The following SDK2 variants were observed in gnomAD, a reference collection of about 807,000 sequenced individuals.
SDK2 encodes the protein protein sidekick-2.
A neutral mutation model predicts 253.9 loss-of-function variants in SDK2; 105 were observed. The observed-to-expected ratio is 0.41, with a 90% CI of 0.35 to 0.49. SDK2 has a LOEUF of 0.49. Among genes scored for constraint, SDK2 ranks in the 20% least tolerant of loss-of-function variants. The pLI is 0.06. For synonymous variants in SDK2, 1,249 were observed against 1,234.9 expected (o/e 1.01, Z -0.24); for missense variants, 2,608 against 3,003.0 (o/e 0.87, Z 3.07).
Position 73,338,467 on chromosome 17 carries a change from A to T in SDK2, c.*120T>A. The T allele has an allele frequency of 2.8e-6, 2 of 726,976 alleles. No homozygotes were observed. Among genetic ancestry groups the T allele is most frequent in the Non-Finnish European group, 2.4e-6 (1 of 417,904 alleles). 45.0% of individuals were successfully genotyped at this position (726,976 alleles called of 1,614,324 possible). On this transcript the variant is annotated 3_prime_UTR_variant, in exon 45 of 45. Transcript: ENST00000392650. The surrounding 1 kb of genome is among the most constrained non-coding windows in gnomAD (Gnocchi z 5.0). ...GGCCCTGGAATCTCTGGAAAAATAA[A>T]CTCAGGAGGTGAAAAGTTGACTTGG...
Position 73,511,881 on chromosome 17 carries a change from G to A in SDK2, c.65-4284C>T, listed in dbSNP as rs574467970. Among the ~76,000 whole-genome samples, 10 of 152,266 alleles carry A rather than the reference G, an allele frequency of 6.6e-5. No individual in the cohort carries two copies. The highest frequency in any genetic ancestry group is 2.1e-4 in the South Asian group (1 of 4,828). The stretch of plus-strand genomic sequence containing the variant: ...TGCTGGGATAACAGAACGTGTGGAC[G>A]TGTCTATGTGTGCACGTGTTTATGT... On this transcript the variant is annotated intron_variant, in intron 1 of 44. Coordinates refer to ENST00000392650, the MANE Select transcript of SDK2 (RefSeq NM_001144952.2). The surrounding 1 kb of genome is among the most constrained non-coding windows in gnomAD (Gnocchi z 4.9).
chr17:73,404,142 G>T (rs1368334777), intron 18 of SDK2, among the ~76,000 whole-genome samples: 2 of 152,220 alleles, frequency 1.3e-5, no homozygotes, highest in East Asian at 3.8e-4. Flanking sequence ...GGTAATGGCA[G>T]TGTGGTTTGT....
At chr17:73,411,804 T>G (rs1599539382) in intron 18 of SDK2, among the ~76,000 whole-genome samples, 1 of 87,426 alleles carries the variant, frequency 1.1e-5, no homozygotes, top group African/African-American at 4.3e-5. Flanking sequence ...TTTTTTTTTT[T>G]GGTCAGAGTC....
intron 1 of SDK2, among the ~76,000 whole-genome samples, chr17:73,588,209 C>A (rs1015880142): frequency 7.3e-6 from 1 of 136,982 alleles, no homozygotes; most frequent in Non-Finnish European, 1.6e-5. Context: ...CCCCCCCCCT[C>A]CCCCGCCATC....
At chr17:73,480,511 A>C (rs1213895232) in intron 2 of SDK2, among the ~76,000 whole-genome samples, 1 of 152,200 alleles carries the variant, frequency 6.6e-6, no homozygotes, top group African/African-American at 2.4e-5. Context: ...AGGCTCAGGC[A>C]TGGAAAGGGT....
chr17:73,507,590 C>T lies in SDK2; in HGVS notation c.72G>A (p.Val24=). Residue 24 remains valine, a synonymous_variant, in exon 2 of 45, where the codon GTG becomes GTA. Transcript: ENST00000392650. ...QIRAARAQDD[V]SPYFKTEPVR... is the part of the protein sequence containing the mutation. ...CAGGCTCTGTCTTGAAATACGGGGA[C>T]ACATCATCTGCAGAAACAGGGAGAC... 1 of 1,551,218 alleles carries T rather than the reference C, an allele frequency of 6.4e-7. No homozygotes were observed. Among genetic ancestry groups the T allele is most frequent in the Non-Finnish European group, 8.7e-7 (1 of 1,146,776 alleles).
At chr17:73,563,039 G>T (rs112135502) in intron 1 of SDK2, among the ~76,000 whole-genome samples, 23 of 152,178 alleles carry the variant, frequency 1.5e-4, no homozygotes, top group Non-Finnish European at 3.4e-4. Flanking sequence ...GGACAGCTCC[G>T]CTCTGATACC....
intron 1 of SDK2, among the ~76,000 whole-genome samples, chr17:73,548,450 TC>T (rs1477204288): frequency 6.6e-6 from 1 of 152,110 alleles, no homozygotes; most frequent in African/African-American, 2.4e-5. Flanking sequence ...CTCTCTAAGC[TC>T]CCCCTGCAGC....
chr17:73,402,147 G>C lies in SDK2; in HGVS notation c.2485-6C>G. The C allele has an allele frequency of 6.2e-7, 1 of 1,611,922 alleles. No individual in the cohort carries two copies. Among genetic ancestry groups the C allele is most frequent in the Non-Finnish European group, 8.5e-7 (1 of 1,178,644 alleles). ...TCCGGCTCCCAGGCGATCAGCTGCG[G>C]AGAGGCGAGCAAGTCACACAGGGCA... On this transcript the variant is annotated splice_polypyrimidine_tract_variant and splice_region_variant and intron_variant, in intron 18 of 44. Coordinates refer to ENST00000392650, the MANE Select transcript of SDK2 (RefSeq NM_001144952.2).
intron 2 of SDK2, among the ~76,000 whole-genome samples, chr17:73,479,962 G>A (rs1425146976): frequency 1.3e-5 from 2 of 152,198 alleles, no homozygotes; most frequent in Admixed American, 6.5e-5. Context: ...CAAAGTGCTG[G>A]GATTACAGGC....
intron 3 of SDK2, among the ~76,000 whole-genome samples, chr17:73,469,989 C>T (rs1032366842): frequency 9.0e-5 from 10 of 110,598 alleles, no homozygotes; most frequent in Non-Finnish European, 1.7e-4. Context: ...ACTGCGCGCG[C>T]GCGCACACAC....
At chr17:73,567,146 C>G (rs1012651510) in intron 1 of SDK2, among the ~76,000 whole-genome samples, 1 of 152,238 alleles carries the variant, frequency 6.6e-6, no homozygotes, top group Admixed American at 6.5e-5. Context: ...AGGCCTGGAT[C>G]CCTGCTGCCC....
chr17:73,623,419 G>A (rs1302261959), intron 1 of SDK2, among the ~76,000 whole-genome samples: 2 of 152,138 alleles, frequency 1.3e-5, no homozygotes, highest in East Asian at 3.9e-4. Flanking sequence ...AATTGATTAA[G>A]TAGAGGAATA....
intron 17 of SDK2, 60 bp from the exon 18 acceptor site, chr17:73,414,819 G>T: frequency 9.1e-7 from 1 of 1,093,354 alleles, no homozygotes; most frequent in Non-Finnish European, 1.4e-6. Context: ...CTCTTGCCCA[G>T]TTCAGTAGAG....
intron 1 of SDK2, among the ~76,000 whole-genome samples, chr17:73,509,810 G>C (rs372947901): frequency 1.4e-5 from 2 of 144,340 alleles, no homozygotes; most frequent in African/African-American, 5.1e-5. Context: ...TGAGGCAGGA[G>C]AATCGCTTAA....
At position 73,375,230 on chromosome 17, in the gene SDK2, C is replaced by CTTT. The variant is rs33992958; in HGVS notation, c.4980+3944_4980+3946dup. ...TCTCATTAAGTCCTTTCCTAACAAC[C>CTTT]TTTTTTTTTTTTTTTTTTTTTTTTT... On this transcript the variant is annotated intron_variant, in intron 36 of 44. Coordinates refer to ENST00000392650, the MANE Select transcript of SDK2 (RefSeq NM_001144952.2). Among the ~76,000 whole-genome samples, 16 of 58,660 alleles carry CTTT rather than the reference C, an allele frequency of 2.7e-4. 2 individuals carry two copies. The highest frequency in any genetic ancestry group is 9.1e-4 in the African/African-American group (13 of 14,208). 38.5% of individuals were successfully genotyped at this position (58,660 alleles called of 152,430 possible).
intron 21 of SDK2, among the ~76,000 whole-genome samples, chr17:73,400,287 C>T (rs1274675656): frequency 6.6e-6 from 1 of 152,176 alleles, no homozygotes; most frequent in African/African-American, 2.4e-5. Flanking sequence ...CTCTCTGTGC[C>T]AGGCCTAGGA....
intron 18 of SDK2, among the ~76,000 whole-genome samples, chr17:73,413,834 G>A (rs1324227083): frequency 6.6e-6 from 1 of 152,126 alleles, no homozygotes; most frequent in Non-Finnish European, 1.5e-5. Context: ...ACATGCGCAG[G>A]TTGCCAGCAA....
chr17:73,479,613 T>C (rs116549494), intron 2 of SDK2, among the ~76,000 whole-genome samples: 2,011 of 152,392 alleles, frequency 0.013, 49 homozygotes, highest in African/African-American at 0.044. Context: ...ACTATTATTA[T>C]AATAAATGTC....
Sources: allele counts gnomAD v4.1 joint callset (sites outside exome capture counted in the v4.1 genomes callset), GRCh38; gene constraint gnomAD v4.1.1; non-coding constraint Gnocchi (gnomAD v3.1); transcripts MANE v1.5; gene names NCBI Gene and HGNC (gene_info 2026-07-23, HGNC 2026-07-21).